The following STARD10 variants were observed in gnomAD, a reference collection of about 807,000 sequenced individuals.
The protein encoded by STARD10 is StAR related lipid transfer domain containing 10, also known as START domain-containing protein 10.
A neutral mutation model predicts 36.0 loss-of-function variants in STARD10; 24 were observed. The observed-to-expected ratio is 0.67, with a 90% CI of 0.48 to 0.94. STARD10 has a LOEUF of 0.94. STARD10 is among the 40% of genes least tolerant of loss of function. The probability of loss-of-function intolerance (pLI) is 0.00; values close to 1 mark genes in which losing one functional copy is unlikely to be tolerated. For missense variants in STARD10, 335 were observed against 396.6 expected (o/e 0.84, Z 1.32); for synonymous variants, 156 against 161.9 (o/e 0.96, Z 0.28).
intron 2 of STARD10, among the ~76,000 whole-genome samples, chr11:72,777,907 T>C (rs1176186352): frequency 6.6e-6 from 1 of 152,010 alleles, no homozygotes. Flanking sequence ...CTTTCCCAGC[T>C]CTGGGGACAG....
At chr11:72,780,786 G>A in intron 2 of STARD10, 189 bp downstream of exon 2, 1 of 626,194 alleles carries the variant, frequency 1.6e-6, no homozygotes, top group Non-Finnish European at 2.8e-6. Context: ...TGCTCTCCAG[G>A]CCTCGGTTGG....
At chr11:72,776,355 A>G (rs1175656394) in intron 2 of STARD10, among the ~76,000 whole-genome samples, 1 of 152,218 alleles carries the variant, frequency 6.6e-6, no homozygotes, top group Non-Finnish European at 1.5e-5. Flanking sequence ...ACCCAGTCCA[A>G]GGCCCTAAAA....
At position 72,793,145 on chromosome 11, in the gene STARD10, T is replaced by G. The variant is rs1040058003; in HGVS notation, c.-384A>C. On this transcript the variant is annotated 5_prime_UTR_variant, in exon 1 of 7. Coordinates refer to ENST00000334805, the MANE Select transcript of STARD10 (RefSeq NM_006645.3). ...GGCCCAAAGGCAGGAGGATTAGGCT[T>G]TAGCTCTTGCTCACAGCCTGCTGAG... 1.3e-5 allele frequency: 2 copies of G among 152,252 alleles called. No homozygotes were observed. Among genetic ancestry groups the G allele is most frequent in the African/African-American group, 4.8e-5 (2 of 41,458 alleles). The allele number at this position is 152,252 out of a possible 1,614,324, so 9.4% of individuals were successfully genotyped here. A position where few individuals can be genotyped will look rare whatever the true frequency, so the allele number is the denominator to read the frequency against.
At chr11:72,791,729 C>T (rs1398674025) in intron 1 of STARD10, among the ~76,000 whole-genome samples, 1 of 151,826 alleles carries the variant, frequency 6.6e-6, no homozygotes, top group Non-Finnish European at 1.5e-5. Context: ...GGTCCTTTTC[C>T]TTCTTTAGCC....
intron 2 of STARD10, among the ~76,000 whole-genome samples, chr11:72,762,724 C>G (rs1858737814): frequency 6.6e-6 from 1 of 152,066 alleles, no homozygotes; most frequent in Admixed American, 6.6e-5. Flanking sequence ...GTCGGGGGAT[C>G]AGGCTTCATG....
intron 3 of STARD10, 115 bp from the exon 4 acceptor site, chr11:72,758,748 A>C (rs1327703545): frequency 7.2e-6 from 5 of 698,774 alleles, no homozygotes; most frequent in Non-Finnish European, 1.2e-5. Flanking sequence ...TCTCCAGTGC[A>C]AAGATACACC....
chr11:72,758,668 T>C (rs1858679682), intron 3 of STARD10, 35 bp from the exon 4 acceptor site: 1 of 1,494,008 alleles, frequency 6.7e-7, no homozygotes, highest in African/African-American at 1.4e-5. Context: ...GCCAGACCAC[T>C]GGTCCACCTG....
At chr11:72,761,912 CTTTT>C (rs1858721697) in intron 2 of STARD10, among the ~76,000 whole-genome samples, 1 of 80,632 alleles carries the variant, frequency 1.2e-5, no homozygotes, top group African/African-American at 4.7e-5. Context: ...TTTTTCTTTT[CTTTT>C]CTTTTTTTTT....
chr11:72,791,013 T>C (rs891863987), intron 1 of STARD10, among the ~76,000 whole-genome samples: 2 of 152,252 alleles, frequency 1.3e-5, no homozygotes, highest in Non-Finnish European at 2.9e-5. Context: ...TAACAGTTAC[T>C]GAATGCTTAC....
intron 2 of STARD10, among the ~76,000 whole-genome samples, chr11:72,767,633 C>T (rs984593431): frequency 6.6e-6 from 1 of 152,198 alleles, no homozygotes; most frequent in Non-Finnish European, 1.5e-5. Flanking sequence ...CTCACAGATT[C>T]CTCCTCCAAA....
At chr11:72,755,460 A>C (rs1273831918) in intron 6 of STARD10, 1 of 579,678 alleles carries the variant, frequency 1.7e-6, no homozygotes, top group Non-Finnish European at 3.1e-6. Context: ...ACAGGCACCC[A>C]CCATCACACT....
At chr11:72,766,711 C>T (rs1473664973) in intron 2 of STARD10, among the ~76,000 whole-genome samples, 1 of 152,172 alleles carries the variant, frequency 6.6e-6, no homozygotes, top group South Asian at 2.1e-4. Context: ...GCAGCAGTCT[C>T]TCCCAAGACC....
intron 3 of STARD10, 83 bp downstream of exon 3, chr11:72,759,151 G>A (rs760081217): frequency 6.2e-5 from 95 of 1,530,132 alleles, no homozygotes; most frequent in Non-Finnish European, 7.8e-5. Context: ...AGTAACCACA[G>A]GAGGGAGGGG....
chr11:72,787,084 CAAAAAA>C (rs765529093), intron 1 of STARD10, among the ~76,000 whole-genome samples: 4 of 72,022 alleles, frequency 5.6e-5, no homozygotes, highest in South Asian at 4.6e-4. Flanking sequence ...ACCCTGTGTC[CAAAAAA>C]AAAAAAAAAA....
intron 2 of STARD10, among the ~76,000 whole-genome samples, chr11:72,762,674 T>C (rs1171881299): frequency 1.3e-5 from 2 of 152,052 alleles, no homozygotes; most frequent in African/African-American, 4.8e-5. Flanking sequence ...CCTAAAGTGC[T>C]CATTGGGGGC....
In STARD10 at chr11:72,754,885, G is replaced by T. The variant is rs775093040; in HGVS notation, c.*12C>A. On this transcript the variant is annotated 3_prime_UTR_variant, in exon 7 of 7. Transcript: ENST00000334805. Reference sequence around the variant, plus strand: ...GCCCGGTCCTGTCTCCGTCCCTGAAGCGGTGCGGCGCTCAGGTGAGCGAGG... The same window carrying T: ...GCCCGGTCCTGTCTCCGTCCCTGAATCGGTGCGGCGCTCAGGTGAGCGAGG... 20 of 1,593,400 alleles carry T rather than the reference G, an allele frequency of 1.3e-5. No homozygotes were observed. The highest frequency in any genetic ancestry group is 1.7e-5 in the Non-Finnish European group (20 of 1,175,900).
intron 2 of STARD10, among the ~76,000 whole-genome samples, chr11:72,771,805 G>A (rs1214891018): frequency 2.0e-5 from 3 of 152,150 alleles, no homozygotes; most frequent in Admixed American, 2.0e-4. Flanking sequence ...TATCCTGGGG[G>A]GGCGAGGGGG....
In STARD10 at chr11:72,755,724, A is replaced by T. The variant is rs756124270; in HGVS notation, c.607T>A (p.Ser203Thr). 6.2e-7 allele frequency: 1 copy of T among 1,613,730 alleles called. No homozygotes were observed. Among genetic ancestry groups the T allele is most frequent in the Non-Finnish European group, 8.5e-7 (1 of 1,179,836 alleles). ...GSLPKWVVNKSSQFLAPKAMK... is the reference protein window; with the variant it reads ...GSLPKWVVNKTSQFLAPKAMK... ...ACCTTGGGAGCCAGGAACTGAGAAGATTTATTCACCACCCACTTGGGTAAG... is the reference window on the plus strand; with the variant it reads ...ACCTTGGGAGCCAGGAACTGAGAAGTTTTATTCACCACCCACTTGGGTAAG... Residue 203 changes from serine (S) to threonine (T), a missense_variant, in exon 6 of 7, where the codon TCT (serine) becomes ACT (threonine). Transcript: ENST00000334805.
At chr11:72,784,215 G>A (rs761136724) in intron 1 of STARD10, among the ~76,000 whole-genome samples, 1 of 152,202 alleles carries the variant, frequency 6.6e-6, no homozygotes, top group African/African-American at 2.4e-5. Context: ...GGCCCCATCT[G>A]CTCCAGAGCA....
Sources: allele counts gnomAD v4.1 joint callset (sites outside exome capture counted in the v4.1 genomes callset), GRCh38; gene constraint gnomAD v4.1.1; transcripts MANE v1.5; gene names NCBI Gene and HGNC (gene_info 2026-07-23, HGNC 2026-07-21).